Variants in AKT3 observed in about 807,000 individuals in gnomAD.
The protein encoded by AKT3 is RAC-gamma serine/threonine-protein kinase.
AKT3 carries 15 observed loss-of-function variants against 65.3 expected under a neutral mutation model. That is an observed-to-expected ratio of 0.23 (90% CI 0.15 to 0.35). The LOEUF is 0.35. AKT3 is among the 10% of genes least tolerant of loss of function. AKT3 has a pLI of 1.00. For missense variants in AKT3, 243 were observed against 576.5 expected, an observed-to-expected ratio of 0.42 and a Z score of 5.92; for synonymous variants, 206 against 183.8, an observed-to-expected ratio of 1.12 and a Z score of -0.98.
intron 12 of AKT3, among the ~76,000 whole-genome samples, chr1:243,532,992 A>G (rs963511422): frequency 3.3e-5 from 5 of 152,108 alleles, no homozygotes; most frequent in Non-Finnish European, 7.4e-5. Context: ...GTCAGGAGTA[A>G]TATCTTTTTT....
At chr1:243,571,211 G>A (rs949048889) in intron 9 of AKT3, among the ~76,000 whole-genome samples, 5 of 152,182 alleles carry the variant, frequency 3.3e-5, no homozygotes, top group African/African-American at 1.2e-4. Flanking sequence ...CAGCTACTCA[G>A]GAGGCTGAGG....
chr1:243,492,684 T>C (rs1208912602), intron 13 of AKT3, among the ~76,000 whole-genome samples: 3 of 143,548 alleles, frequency 2.1e-5, no homozygotes, highest in African/African-American at 5.2e-5. Flanking sequence ...CTTGGCCTAC[T>C]GCAACCTCTG....
chr1:243,762,574 C>T (rs933787744), intron 2 of AKT3, among the ~76,000 whole-genome samples: 2 of 152,024 alleles, frequency 1.3e-5, no homozygotes, highest in Admixed American at 6.6e-5. Context: ...CCCTTCGTTT[C>T]AATCATAAGT....
intron 8 of AKT3, among the ~76,000 whole-genome samples, chr1:243,589,131 C>T (rs1162961139): frequency 6.6e-6 from 1 of 151,514 alleles, no homozygotes; most frequent in Non-Finnish European, 1.5e-5. Flanking sequence ...CATGGTGAAA[C>T]CCCGTCTCTA....
intron 2 of AKT3, among the ~76,000 whole-genome samples, chr1:243,835,670 G>A (rs1409233676): frequency 3.3e-5 from 5 of 151,930 alleles, no homozygotes; most frequent in African/African-American, 1.2e-4. Context: ...ACAAACAATT[G>A]TAATATAAAA....
At chr1:243,742,757 C>T (rs932015214) in intron 2 of AKT3, among the ~76,000 whole-genome samples, 1 of 152,050 alleles carries the variant, frequency 6.6e-6, no homozygotes, top group African/African-American at 2.4e-5. Flanking sequence ...GATTTCTCCT[C>T]ATAAGAATAT....
chr1:243,646,624 G>C (rs1461946015), intron 4 of AKT3, among the ~76,000 whole-genome samples: 1 of 151,940 alleles, frequency 6.6e-6, no homozygotes, highest in Non-Finnish European at 1.5e-5. Context: ...CAAAGTGCTG[G>C]GATTACAGCC....
intron 12 of AKT3, among the ~76,000 whole-genome samples, chr1:243,519,694 ATTTCATGAGAGC>A (rs1471358587): frequency 6.6e-6 from 1 of 152,142 alleles, no homozygotes; most frequent in East Asian, 1.9e-4. Context: ...AAACAGGGGT[ATTTCATGAGAGC>A]TTTCATGAGA....
At chr1:243,672,498 T>C (rs139998157) in intron 3 of AKT3, among the ~76,000 whole-genome samples, 5 of 152,330 alleles carry the variant, frequency 3.3e-5, no homozygotes, top group Non-Finnish European at 7.4e-5. Context: ...ACAAAGTTCT[T>C]ACATTTGATT....
intron 12 of AKT3, among the ~76,000 whole-genome samples, chr1:243,522,883 C>T (rs1158505313): frequency 3.3e-5 from 5 of 152,016 alleles, no homozygotes; most frequent in African/African-American, 4.8e-5. Flanking sequence ...GATGACGTGA[C>T]CAAGACCCTC....
At chr1:243,692,557 AC>A (rs1684763453) in intron 3 of AKT3, among the ~76,000 whole-genome samples, 1 of 150,852 alleles carries the variant, frequency 6.6e-6, no homozygotes, top group Admixed American at 6.6e-5. Flanking sequence ...ACATGGTGAA[AC>A]CCCATCTCTA....
At chr1:243,838,412 A>G (rs1247554271) in intron 2 of AKT3, among the ~76,000 whole-genome samples, 1 of 152,160 alleles carries the variant, frequency 6.6e-6, no homozygotes, top group Non-Finnish European at 1.5e-5. Context: ...GGTAGTAAAC[A>G]GGAAATCATA....
At chr1:243,624,296 C>T (rs924389581) in intron 6 of AKT3, among the ~76,000 whole-genome samples, 1 of 152,074 alleles carries the variant, frequency 6.6e-6, no homozygotes, top group Non-Finnish European at 1.5e-5. Context: ...ATCTCAAGGA[C>T]TTAGATCACT....
intron 8 of AKT3, among the ~76,000 whole-genome samples, chr1:243,604,950 A>G (rs528560669): frequency 6.6e-6 from 1 of 152,310 alleles, no homozygotes; most frequent in East Asian, 1.9e-4. Context: ...TACACTGGAG[A>G]CCAACATACT....
At chr1:243,744,392 T>G (rs924409708) in intron 2 of AKT3, among the ~76,000 whole-genome samples, 2 of 152,192 alleles carry the variant, frequency 1.3e-5, no homozygotes, top group Admixed American at 6.5e-5. Context: ...CAGAGCCGTA[T>G]TCTTATGATT....
intron 2 of AKT3, among the ~76,000 whole-genome samples, chr1:243,807,319 C>G (rs1033514891): frequency 6.6e-6 from 1 of 152,174 alleles, no homozygotes; most frequent in African/African-American, 2.4e-5. Context: ...CCTGGAAAAT[C>G]GGGTCACTCC....
At chr1:243,685,088 C>G (rs1002887356) in intron 3 of AKT3, among the ~76,000 whole-genome samples, 1 of 152,126 alleles carries the variant, frequency 6.6e-6, no homozygotes, top group Non-Finnish European at 1.5e-5. Context: ...AAAATTTTCT[C>G]CCATTCTGTA....
At chr1:243,622,740 C>T (rs1678855242) in intron 6 of AKT3, among the ~76,000 whole-genome samples, 1 of 152,172 alleles carries the variant, frequency 6.6e-6, no homozygotes, top group South Asian at 2.1e-4. Context: ...TATAGCAGAT[C>T]AAACCATTAT....
chr1:243,561,384 A>G (rs1301768074), intron 10 of AKT3, among the ~76,000 whole-genome samples: 2 of 152,126 alleles, frequency 1.3e-5, no homozygotes, highest in African/African-American at 4.8e-5. Flanking sequence ...TGGTCTTCAA[A>G]TTAGGATTTT....
Sources: gnomAD v4.1 joint callset for allele counts (sites outside exome capture counted in the v4.1 genomes callset) on GRCh38, gnomAD v4.1.1 for gene constraint, MANE v1.5 for transcripts, NCBI Gene and HGNC (gene_info 2026-07-23, HGNC 2026-07-21) for gene names.